ENTREP2: variants seen among roughly 807,000 people sequenced by gnomAD.
The protein encoded by ENTREP2 is endosomal transmembrane epsin interactor 2, also known as protein ENTREP2.
chr15:29,469,270 G>A, the ENTREP2 span, among the ~76,000 whole-genome samples: 2 of 152,222 alleles, frequency 1.3e-5, no homozygotes, highest in African/African-American at 4.8e-5. Flanking sequence ...CGTGATCTGG[G>A]CTCACTGCAA....
At chr15:29,602,377 C>T in the ENTREP2 span, among the ~76,000 whole-genome samples, 1 of 152,062 alleles carries the variant, frequency 6.6e-6, no homozygotes, top group African/African-American at 2.4e-5. Flanking sequence ...GGGTCTGGAA[C>T]TAATTGAGTA....
the ENTREP2 span, among the ~76,000 whole-genome samples, chr15:29,343,142 G>A: frequency 6.6e-6 from 1 of 151,968 alleles, no homozygotes; most frequent in Non-Finnish European, 1.5e-5. Flanking sequence ...ATGTGGGCAC[G>A]TATGTTCTTA....
chr15:29,311,506 A>T, the ENTREP2 span, among the ~76,000 whole-genome samples: 4 of 152,224 alleles, frequency 2.6e-5, no homozygotes, highest in Non-Finnish European at 5.9e-5. Flanking sequence ...CCTGGCCAAC[A>T]TGGCGAAACC....
the ENTREP2 span, chr15:29,128,875 A>C: frequency 1.3e-6 from 2 of 1,547,102 alleles, no homozygotes; most frequent in Non-Finnish European, 1.7e-6. Context: ...CTACAGTAAG[A>C]AACAGAAAGC....
chr15:29,383,603 T>G, the ENTREP2 span, among the ~76,000 whole-genome samples: 2 of 152,128 alleles, frequency 1.3e-5, no homozygotes, highest in African/African-American at 4.8e-5. Flanking sequence ...CCAAAAGCAC[T>G]GGCCAGACCC....
At chr15:29,410,190 A>T in the ENTREP2 span, among the ~76,000 whole-genome samples, 1 of 152,126 alleles carries the variant, frequency 6.6e-6, no homozygotes, top group Non-Finnish European at 1.5e-5. Context: ...CCCATTCTTG[A>T]ATTTGCATTG....
At chr15:29,455,630 T>C in the ENTREP2 span, among the ~76,000 whole-genome samples, 1 of 152,186 alleles carries the variant, frequency 6.6e-6, no homozygotes, top group African/African-American at 2.4e-5. Flanking sequence ...TGTTTTCACA[T>C]ATTAGAATCC....
the ENTREP2 span, among the ~76,000 whole-genome samples, chr15:29,589,526 T>C: frequency 6.6e-6 from 1 of 152,130 alleles, no homozygotes; most frequent in Non-Finnish European, 1.5e-5. Context: ...GAGAAGGGGC[T>C]GCATATCATC....
At chr15:29,419,496 A>G in the ENTREP2 span, among the ~76,000 whole-genome samples, 5 of 152,176 alleles carry the variant, frequency 3.3e-5, no homozygotes, top group Non-Finnish European at 5.9e-5. Context: ...GACACAATGA[A>G]TGGGCCTAGT....
chr15:29,172,423 T>C, the ENTREP2 span, among the ~76,000 whole-genome samples: 1 of 152,098 alleles, frequency 6.6e-6, no homozygotes, highest in Non-Finnish European at 1.5e-5. Context: ...GAGTGTCTTC[T>C]AGTGTCTTGC....
chr15:29,148,697 C>A, the ENTREP2 span, among the ~76,000 whole-genome samples: 1 of 152,028 alleles, frequency 6.6e-6, no homozygotes, highest in Non-Finnish European at 1.5e-5. Flanking sequence ...CCTTTTTCTG[C>A]CTGAGTAAAG....
At chr15:29,434,758 C>T in the ENTREP2 span, among the ~76,000 whole-genome samples, 145 of 152,228 alleles carry the variant, frequency 9.5e-4, no homozygotes, top group African/African-American at 3.4e-3. Flanking sequence ...CAGGGCAGGG[C>T]GGTGGCAGTG....
chr15:29,161,508 C>T, the ENTREP2 span, among the ~76,000 whole-genome samples: 1 of 152,188 alleles, frequency 6.6e-6, no homozygotes, highest in African/African-American at 2.4e-5. Flanking sequence ...CAGTAACAGA[C>T]TAGTTTGTTA....
the ENTREP2 span, among the ~76,000 whole-genome samples, chr15:29,664,760 T>G: frequency 1.3e-5 from 2 of 152,196 alleles, no homozygotes; most frequent in African/African-American, 4.8e-5. Flanking sequence ...CTTGGCCCTT[T>G]GTCTTTTGAT....
chr15:29,555,894 CCT>C, the ENTREP2 span, among the ~76,000 whole-genome samples: 8 of 152,200 alleles, frequency 5.3e-5, no homozygotes, highest in African/African-American at 9.7e-5. Flanking sequence ...TGCCCACACC[CCT>C]GTCAAAGCTC....
At chr15:29,459,410 C>G in the ENTREP2 span, among the ~76,000 whole-genome samples, 1 of 152,134 alleles carries the variant, frequency 6.6e-6, no homozygotes, top group Admixed American at 6.5e-5. Context: ...GACAGGCACT[C>G]TTCTCTAGGG....
the ENTREP2 span, among the ~76,000 whole-genome samples, chr15:29,206,928 T>C: frequency 1.3e-5 from 2 of 152,168 alleles, no homozygotes; most frequent in Non-Finnish European, 2.9e-5. Flanking sequence ...GTCACCAACA[T>C]CGACAGTTTG....
the ENTREP2 span, among the ~76,000 whole-genome samples, chr15:29,436,535 A>G: frequency 6.6e-6 from 1 of 152,264 alleles, no homozygotes; most frequent in Non-Finnish European, 1.5e-5. Flanking sequence ...TATGTATTAC[A>G]TATTCAGTCG....
chr15:29,192,190 A>T, the ENTREP2 span, among the ~76,000 whole-genome samples: 1 of 152,228 alleles, frequency 6.6e-6, no homozygotes, highest in African/African-American at 2.4e-5. Flanking sequence ...AGAGCTAGAC[A>T]TGTTTTAAAA....
Sources: allele counts gnomAD v4.1 joint callset (sites outside exome capture counted in the v4.1 genomes callset), GRCh38; gene constraint gnomAD v4.1.1; transcripts MANE v1.5; gene names NCBI Gene and HGNC (gene_info 2026-07-23, HGNC 2026-07-21).